The following WWC1 variants were observed in gnomAD, a reference collection of about 807,000 sequenced individuals.
The protein encoded by WWC1 is WW and C2 domain containing 1.
In WWC1, 55 loss-of-function variants were observed where a neutral mutation model predicts 138.4. That is an observed-to-expected ratio of 0.40 (90% confidence interval 0.32 to 0.50). The LOEUF (loss-of-function observed/expected upper bound fraction) is 0.50. Ranked by LOEUF, WWC1 falls within the 20% of genes least tolerant of loss-of-function variation. The probability of loss-of-function intolerance (pLI) is 0.72; values close to 1 mark genes in which losing one functional copy is unlikely to be tolerated. For missense variants in WWC1, 1,226 were observed against 1,420.4 expected (o/e 0.86, Z 2.20); for synonymous variants, 524 against 564.9 (o/e 0.93, Z 1.03).
chr5:168,428,594 G>GA (rs1781701669), intron 12 of WWC1, 113 bp from the exon 13 acceptor site: 3 of 1,027,886 alleles, frequency 2.9e-6, no homozygotes, highest in Middle Eastern at 4.3e-4. Context: ...AAAAGGACCT[G>GA]AAGGGAAGCT....
At chr5:168,406,118 T>A in intron 5 of WWC1, 80 bp from the exon 6 acceptor site, 1 of 1,544,646 alleles carries the variant, frequency 6.5e-7, no homozygotes, top group Admixed American at 1.9e-5. Context: ...ACTGAAGTCC[T>A]GTGGTCTGTG....
At chr5:168,350,002 C>T (rs546525389) in intron 1 of WWC1, among the ~76,000 whole-genome samples, 35 of 152,328 alleles carry the variant, frequency 2.3e-4, no homozygotes, top group Admixed American at 2.2e-3. Context: ...CCTGCTTCAC[C>T]TCCCAGCTCC....
At chr5:168,309,865 T>A (rs1289690138) in intron 1 of WWC1, among the ~76,000 whole-genome samples, 1 of 152,158 alleles carries the variant, frequency 6.6e-6, no homozygotes, top group Non-Finnish European at 1.5e-5. Context: ...TGTTTCTAGG[T>A]ACCCACTGGA....
At chr5:168,392,097 C>T (rs1269427688) in intron 3 of WWC1, among the ~76,000 whole-genome samples, 1 of 152,114 alleles carries the variant, frequency 6.6e-6, no homozygotes, top group Non-Finnish European at 1.5e-5. Flanking sequence ...CCACCATCTT[C>T]AGTCTGGCAA....
At chr5:168,322,316 G>T (rs959479512) in intron 1 of WWC1, among the ~76,000 whole-genome samples, 1 of 151,990 alleles carries the variant, frequency 6.6e-6, no homozygotes, top group Non-Finnish European at 1.5e-5. Flanking sequence ...TCCTAGAGAA[G>T]GGTTGGAAAC....
chr5:168,382,540 T>C (rs1216496746), intron 2 of WWC1, among the ~76,000 whole-genome samples: 106 of 152,210 alleles, frequency 7.0e-4, no homozygotes, highest in Non-Finnish European at 2.9e-5. Flanking sequence ...GAGCTGCTTT[T>C]TTCTGTGGGC....
chr5:168,418,765 C>A (rs550917562), intron 9 of WWC1, among the ~76,000 whole-genome samples: 1 of 152,234 alleles, frequency 6.6e-6, no homozygotes, highest in East Asian at 1.9e-4. Context: ...TGAGCGCCAG[C>A]TGCTCCTTGA....
intron 1 of WWC1, among the ~76,000 whole-genome samples, chr5:168,298,028 C>CTGTGT (rs1769710442): frequency 6.6e-6 from 1 of 151,958 alleles, no homozygotes; most frequent in African/African-American, 2.4e-5. Context: ...TTCCAACAAG[C>CTGTGT]TTTGTTTTAT....
intron 3 of WWC1, among the ~76,000 whole-genome samples, chr5:168,394,742 G>A (rs1778766668): frequency 6.6e-6 from 1 of 151,996 alleles, no homozygotes; most frequent in South Asian, 2.1e-4. Context: ...AAAAAAATAA[G>A]TTCTCGTAGT....
At chr5:168,317,647 A>C (rs938271809) in intron 1 of WWC1, among the ~76,000 whole-genome samples, 4 of 152,194 alleles carry the variant, frequency 2.6e-5, no homozygotes, top group Non-Finnish European at 5.9e-5. Flanking sequence ...AAATGTGAAC[A>C]CAGAGGCCTT....
intron 1 of WWC1, among the ~76,000 whole-genome samples, chr5:168,305,343 C>T (rs1405800846): frequency 1.1e-4 from 17 of 152,116 alleles, no homozygotes; most frequent in Admixed American, 1.1e-3. Flanking sequence ...TTCTCCAGGC[C>T]CTCACCATCG....
At chr5:168,339,225 A>G (rs908257897) in intron 1 of WWC1, among the ~76,000 whole-genome samples, 1 of 152,200 alleles carries the variant, frequency 6.6e-6, no homozygotes, top group Non-Finnish European at 1.5e-5. Flanking sequence ...ATGGGATGAC[A>G]TGACAAGGAG....
intron 15 of WWC1, among the ~76,000 whole-genome samples, chr5:168,439,004 A>G (rs1240050392): frequency 6.6e-6 from 1 of 152,040 alleles, no homozygotes; most frequent in African/African-American, 2.4e-5. Context: ...ATAGGTGACC[A>G]CTTTGATTAA....
Position 168,291,704 on chromosome 5 carries a change from C to A in WWC1, c.-449C>A. On this transcript the variant is annotated 5_prime_UTR_variant, in exon 1 of 23. Coordinates refer to ENST00000265293, the MANE Select transcript of WWC1 (RefSeq NM_015238.3). ...AGCCGCACCTGGCGGAGGCAGAAGT[C>A]ACAAACCCGGCGAGCTCAGAGCGGT... 6.5e-6 allele frequency: 1 copy of A among 152,998 alleles called. No individual in the cohort carries two copies. The highest frequency in any genetic ancestry group is 1.8e-4 in the South Asian group (1 of 5,534). 9.5% of individuals were successfully genotyped at this position (152,998 alleles called of 1,614,324 possible). A position where few individuals can be genotyped will look rare whatever the true frequency, so the allele number is the denominator to read the frequency against.
rs187020882 is a variant in WWC1 at position 168,391,418 on chromosome 5, C to T, written c.433+6004C>T. ...GCTCACGCCTGTAATCCCAGCACTT[C>T]GGGAGGCCGAGGCAGGCAGATCACG... On this transcript the variant is annotated intron_variant, in intron 3 of 22. Coordinates refer to ENST00000265293, the MANE Select transcript of WWC1 (RefSeq NM_015238.3). 9.3e-3 allele frequency among the ~76,000 whole-genome samples: 1,417 copies of T among 152,060 alleles called. 27 individuals are homozygous for T. Among genetic ancestry groups the T allele is most frequent in the African/African-American group, 0.032 (1,342 of 41,478 alleles).
intron 1 of WWC1, among the ~76,000 whole-genome samples, chr5:168,353,814 A>T (rs1229587377): frequency 6.6e-6 from 1 of 152,206 alleles, no homozygotes. Context: ...ACCTCCTGGG[A>T]GTAGTCCAGC....
At chr5:168,441,140 A>G (rs574699870) in intron 15 of WWC1, among the ~76,000 whole-genome samples, 1 of 152,332 alleles carries the variant, frequency 6.6e-6, no homozygotes, top group East Asian at 1.9e-4. Flanking sequence ...CCTTGAAGGC[A>G]TTGTTAAGTT....
At position 168,428,559 on chromosome 5, in the gene WWC1, A is replaced by C. The variant is rs950662855; in HGVS notation, c.1920-148A>C. The C allele has an allele frequency of 1.6e-5, 11 of 671,578 alleles. 1 individual carries two copies. The Admixed American group carries it at 3.4e-4, about 21-fold the overall frequency. The allele number at this position is 671,578 out of a possible 1,614,324, so 41.6% of individuals were successfully genotyped here. A position where few individuals can be genotyped will look rare whatever the true frequency, so the allele number is the denominator to read the frequency against. On this transcript the variant is annotated intron_variant, in intron 12 of 22. Transcript: ENST00000265293. The stretch of plus-strand genomic sequence containing the variant: ...ACATAGTGAGCCCCCATCTCTAAAA[A>C]AAATTTTTTTTAATTAAAATTTAAA...
At chr5:168,409,719 G>T (rs147640682) in intron 7 of WWC1, among the ~76,000 whole-genome samples, 1 of 152,180 alleles carries the variant, frequency 6.6e-6, no homozygotes, top group Non-Finnish European at 1.5e-5. Flanking sequence ...ATGTCTGAGC[G>T]TACGGTTCTT....
Sources: gnomAD v4.1 joint callset for allele counts (sites outside exome capture counted in the v4.1 genomes callset) on GRCh38, gnomAD v4.1.1 for gene constraint, MANE v1.5 for transcripts, NCBI Gene and HGNC (gene_info 2026-07-23, HGNC 2026-07-21) for gene names.